The following CLDN14 variants were observed in gnomAD, a reference collection of about 807,000 sequenced individuals.
CLDN14 encodes claudin-14.
In CLDN14, 2 loss-of-function variants were observed where a neutral mutation model predicts 2.1. That is an observed-to-expected ratio of 0.96 (90% CI 0.39 to 3.01). The LOEUF is 3.01. CLDN14 is among the 30% of genes most tolerant of loss of function. The pLI is 0.09. For missense variants in CLDN14, 298 were observed against 328.0 expected (o/e 0.91, Z 0.71); for synonymous variants, 136 against 154.4 (o/e 0.88, Z 0.88).
chr21:36,490,903 C>A (rs956019543), intron 2 of CLDN14, among the ~76,000 whole-genome samples: 1 of 151,750 alleles, frequency 6.6e-6, no homozygotes, highest in African/African-American at 2.4e-5. Context: ...TATGCATCAA[C>A]GTGCACATAT....
At chr21:36,474,787 A>G (rs979157358) in intron 1 of CLDN14, among the ~76,000 whole-genome samples, 1 of 152,156 alleles carries the variant, frequency 6.6e-6, no homozygotes, top group African/African-American at 2.4e-5. Flanking sequence ...AAACATCTGT[A>G]GGGGCAGTAG....
chr21:36,483,728 G>A (rs776781902), upstream of CLDN14, among the ~76,000 whole-genome samples: 5 of 152,180 alleles, frequency 3.3e-5, no homozygotes, highest in African/African-American at 7.2e-5. Context: ...TCCATCGTAG[G>A]TATTGCCGAA....
chr21:36,533,887 G>C (rs1052063607), intron 1 of CLDN14, among the ~76,000 whole-genome samples: 1 of 152,126 alleles, frequency 6.6e-6, no homozygotes, highest in African/African-American at 2.4e-5. Flanking sequence ...AATAACTAAT[G>C]TGTACTAGGC....
At chr21:36,539,001 T>G (rs1031325284) in intron 1 of CLDN14, among the ~76,000 whole-genome samples, 1 of 152,190 alleles carries the variant, frequency 6.6e-6, no homozygotes, top group African/African-American at 2.4e-5. Flanking sequence ...CCAGCGCAGC[T>G]TCCTCTGGGC....
In CLDN14 at chr21:36,495,904, G is replaced by A. The variant is rs115962362; in HGVS notation, c.-82+14459C>T. ...AAGAGGGCTATGTGAAGACTGAGGCGGAGATTGCAGCTGTAGGGCAGGGAA... is the reference window on the plus strand; with the variant it reads ...AAGAGGGCTATGTGAAGACTGAGGCAGAGATTGCAGCTGTAGGGCAGGGAA... On this transcript the variant is annotated intron_variant, in intron 2 of 2. Transcript: ENST00000342108. 8.3e-3 allele frequency among the ~76,000 whole-genome samples: 1,264 copies of A among 152,274 alleles called. 17 individuals carry two copies. Among genetic ancestry groups the A allele is most frequent in the African/African-American group, 0.029 (1,186 of 41,556 alleles).
intron 1 of CLDN14, among the ~76,000 whole-genome samples, chr21:36,565,278 C>T (rs1358083757): frequency 6.6e-6 from 1 of 152,166 alleles, no homozygotes; most frequent in African/African-American, 2.4e-5. Context: ...GCCCTTGCTG[C>T]TGCTGTGAGA....
At chr21:36,536,528 C>T (rs1311288583) in intron 1 of CLDN14, among the ~76,000 whole-genome samples, 1 of 152,184 alleles carries the variant, frequency 6.6e-6, no homozygotes, top group East Asian at 1.9e-4. Flanking sequence ...TCTAAAGCTC[C>T]ATGGGACAAA....
chr21:36,533,097 C>T (rs1045667993), intron 1 of CLDN14, among the ~76,000 whole-genome samples: 4 of 152,258 alleles, frequency 2.6e-5, no homozygotes, highest in East Asian at 3.9e-4. Context: ...AATTCCAGAG[C>T]GTAGCCACGA....
At chr21:36,549,276 A>T (rs868486483) in intron 1 of CLDN14, among the ~76,000 whole-genome samples, 5 of 139,622 alleles carry the variant, frequency 3.6e-5, no homozygotes, top group East Asian at 2.1e-4. Flanking sequence ...TTACACACAC[A>T]CTCTCTCTCT....
intron 1 of CLDN14, among the ~76,000 whole-genome samples, chr21:36,517,302 TAGTGCTG>T (rs1286031754): frequency 6.6e-6 from 1 of 152,248 alleles, no homozygotes; most frequent in Non-Finnish European, 1.5e-5. Flanking sequence ...CCTACCACTA[TAGTGCTG>T]AGTAGTTCTA....
chr21:36,500,358 AC>A (rs1225209489), intron 2 of CLDN14, among the ~76,000 whole-genome samples: 1 of 152,190 alleles, frequency 6.6e-6, no homozygotes, highest in Non-Finnish European at 1.5e-5. Flanking sequence ...TCGGACAGTG[AC>A]ACGTCCCGCT....
chr21:36,568,236 A>G (rs2146528029), intron 1 of CLDN14, among the ~76,000 whole-genome samples: 1 of 152,284 alleles, frequency 6.6e-6, no homozygotes, highest in Non-Finnish European at 1.5e-5. Flanking sequence ...AGGTGGACAA[A>G]GGGTTCTACT....
chr21:36,496,436 CAAAAA>C (rs60272055), intron 2 of CLDN14, among the ~76,000 whole-genome samples: 7 of 95,494 alleles, frequency 7.3e-5, no homozygotes, highest in African/African-American at 1.3e-4. Flanking sequence ...GACCTTGTTT[CAAAAA>C]AAAAAAAAAA....
Position 36,461,002 on chromosome 21 carries a change from C to T in CLDN14, c.694G>A (p.Gly232Arg), listed in dbSNP as rs786204841. 2.5e-6 allele frequency: 4 copies of T among 1,613,112 alleles called. No homozygotes were observed. Among genetic ancestry groups the T allele is most frequent in the East Asian group, 2.2e-5 (1 of 44,878 alleles). ...CACACGTAGTCGTTCAGCCTGTACC[C>T]GCTGTGCGTGGCCGAGGTCACTGAG... ...APSVTSATHS[G>R]YRLNDYV Residue 232 changes from glycine (G) to arginine (R), a missense_variant, in exon 2 of 2, where the codon GGG becomes AGG. Physicochemically the swap from Gly to Arg is moderately radical, Grantham distance 125. Transcript: ENST00000399135.
intron 2 of CLDN14, among the ~76,000 whole-genome samples, chr21:36,491,543 AAG>A (rs1033343621): frequency 1.3e-5 from 2 of 152,208 alleles, no homozygotes; most frequent in Non-Finnish European, 2.9e-5. Flanking sequence ...GTTTGCTGAG[AAG>A]ACTGTATTTG....
intron 1 of CLDN14, among the ~76,000 whole-genome samples, chr21:36,535,611 A>T (rs2087417915): frequency 6.6e-6 from 1 of 152,170 alleles, no homozygotes; most frequent in Non-Finnish European, 1.5e-5. Flanking sequence ...TGACATGTAT[A>T]GTCATGTTTT....
At chr21:36,516,355 G>C (rs886861989) in intron 1 of CLDN14, among the ~76,000 whole-genome samples, 8 of 152,126 alleles carry the variant, frequency 5.3e-5, no homozygotes, top group Non-Finnish European at 1.2e-4. Context: ...GTAAAGTTTT[G>C]ATGCTTCTTG....
chr21:36,554,819 C>T (rs1422743658), intron 1 of CLDN14, among the ~76,000 whole-genome samples: 2 of 152,180 alleles, frequency 1.3e-5, no homozygotes, highest in Non-Finnish European at 2.9e-5. Context: ...GTACTGATTA[C>T]CTCCCGCCCC....
At chr21:36,501,449 G>A (rs1404232279) in intron 2 of CLDN14, among the ~76,000 whole-genome samples, 1 of 146,138 alleles carries the variant, frequency 6.8e-6, no homozygotes, top group Non-Finnish European at 1.5e-5. Flanking sequence ...ACATGGAGAC[G>A]GTCATCTGAC....
Sources: allele counts gnomAD v4.1 joint callset (sites outside exome capture counted in the v4.1 genomes callset), GRCh38; gene constraint gnomAD v4.1.1; transcripts MANE v1.5; gene names NCBI Gene and HGNC (gene_info 2026-07-23, HGNC 2026-07-21).